The following NMNAT3 variants were observed in gnomAD, a reference collection of about 807,000 sequenced individuals.
The protein encoded by NMNAT3 is nicotinamide/nicotinic acid mononucleotide adenylyltransferase 3.
A neutral mutation model predicts 24.8 loss-of-function variants in NMNAT3; 21 were observed. The ratio of observed to expected loss-of-function variants is 0.85; its 90% CI spans 0.60 to 1.22. The LOEUF is 1.22. Among genes scored for constraint, NMNAT3 ranks in the 50% most tolerant of loss-of-function variants. The pLI is 0.00. For missense variants in NMNAT3, 387 were observed against 436.6 expected (o/e 0.89, Z 1.01); for synonymous variants, 136 against 155.2 (o/e 0.88, Z 0.92).
intron 3 of NMNAT3, among the ~76,000 whole-genome samples, chr3:139,624,167 CT>C (rs1360139037): frequency 1.3e-5 from 2 of 152,080 alleles, no homozygotes; most frequent in Admixed American, 6.5e-5. Flanking sequence ...GATTTGAGAC[CT>C]TTTTTTCCTA....
chr3:139,563,594 C>T (rs1288968979), intron 6 of NMNAT3, among the ~76,000 whole-genome samples: 2 of 152,172 alleles, frequency 1.3e-5, no homozygotes, highest in African/African-American at 4.8e-5. Flanking sequence ...CCACACCTCC[C>T]CTGCCCCCCA....
intron 3 of NMNAT3, among the ~76,000 whole-genome samples, chr3:139,591,276 C>T (rs958971288): frequency 5.9e-5 from 9 of 151,818 alleles, no homozygotes; most frequent in African/African-American, 2.2e-4. Context: ...TAAGAAACGG[C>T]GCACGACGAG....
At chr3:139,575,344 C>G (rs1016357238) in intron 5 of NMNAT3, among the ~76,000 whole-genome samples, 4 of 152,030 alleles carry the variant, frequency 2.6e-5, no homozygotes, top group East Asian at 1.9e-4. Flanking sequence ...GAGGATTCAC[C>G]CTTGGATTGG....
intron 3 of NMNAT3, among the ~76,000 whole-genome samples, chr3:139,622,848 T>TTTTA (rs1553753089): frequency 6.6e-5 from 9 of 136,364 alleles, no homozygotes; most frequent in East Asian, 2.0e-4. Flanking sequence ...ATTATATATA[T>TTTTA]TATATATATA....
chr3:139,608,199 G>GA (rs2055030905), intron 3 of NMNAT3, among the ~76,000 whole-genome samples: 2 of 152,330 alleles, frequency 1.3e-5, no homozygotes, highest in South Asian at 4.1e-4. Context: ...CTCAGGAAGT[G>GA]AAGAGTTGGG....
chr3:139,630,598 C>T (rs1373912724), intron 2 of NMNAT3, among the ~76,000 whole-genome samples: 1 of 152,118 alleles, frequency 6.6e-6, no homozygotes, highest in Non-Finnish European at 1.5e-5. Flanking sequence ...AGAGCCTGGC[C>T]CAGAGTAGGG....
chr3:139,581,183 A>G (rs1940122157), intron 4 of NMNAT3, among the ~76,000 whole-genome samples: 1 of 152,226 alleles, frequency 6.6e-6, no homozygotes, highest in Admixed American at 6.5e-5. Flanking sequence ...TCTAGATTAA[A>G]AGAGACTAAA....
In NMNAT3 at chr3:139,611,137, C is replaced by T. The variant is rs118128544; in HGVS notation, c.109+16479G>A. On this transcript the variant is annotated intron_variant, in intron 3 of 6. Transcript: ENST00000643695. Reference sequence around the variant, plus strand: ...ATGCCACAAGCACGTGGGGCAGGATCGTTAGGAAATAACATCATAAAGAAT... The same window carrying T: ...ATGCCACAAGCACGTGGGGCAGGATTGTTAGGAAATAACATCATAAAGAAT... Among the ~76,000 whole-genome samples, 71 of 152,016 alleles carry T rather than the reference C, an allele frequency of 4.7e-4. No homozygotes were observed. The East Asian group carries it at 0.011, about 25-fold the overall frequency.
chr3:139,634,273 T>C (rs982928824), intron 2 of NMNAT3: 1 of 152,138 alleles, frequency 6.6e-6, no homozygotes, highest in Non-Finnish European at 1.5e-5. Context: ...CGGTGAGCAT[T>C]TGTAACGGGC....
At chr3:139,673,939 C>T (rs1479580810) in intron 1 of NMNAT3, among the ~76,000 whole-genome samples, 1 of 152,062 alleles carries the variant, frequency 6.6e-6, no homozygotes, top group Admixed American at 6.6e-5. Context: ...CCCGCTGGTA[C>T]TATGGGAAGG....
intron 6 of NMNAT3, chr3:139,569,153 T>G (rs1316603187): frequency 2.2e-5 from 3 of 136,116 alleles, no homozygotes; most frequent in Admixed American, 7.9e-5. Flanking sequence ...TATCAGAGAC[T>G]AGGATTGCAA....
chr3:139,647,617 A>T (rs906489626), intron 1 of NMNAT3, among the ~76,000 whole-genome samples: 1 of 152,178 alleles, frequency 6.6e-6, no homozygotes, highest in Non-Finnish European at 1.5e-5. Context: ...CCATTTGAAG[A>T]TGGAAGAGGG....
intron 1 of NMNAT3, among the ~76,000 whole-genome samples, chr3:139,675,135 T>TACACACACACACACACAC (rs148834873): frequency 4.8e-4 from 71 of 148,346 alleles, no homozygotes; most frequent in East Asian, 1.6e-3. Flanking sequence ...CTTTTAAACA[T>TACACACACACACACACAC]ACACACACAC....
chr3:139,615,457 A>ATCTATCTG (rs2055447887), intron 3 of NMNAT3, among the ~76,000 whole-genome samples: 2 of 146,480 alleles, frequency 1.4e-5, no homozygotes, highest in Non-Finnish European at 3.1e-5. Context: ...CTATCTATCT[A>ATCTATCTG]TCTATCCATC....
At position 139,569,490 on chromosome 3, in the gene NMNAT3, C is replaced by G. The variant is rs987186587; in HGVS notation, c.658+4108G>C. ...TTGCAGTGGCTGGTACCAGTTGTTCCTTTCCATGTTTAGTGCTTCCTTCAG... is the reference window on the plus strand; with the variant it reads ...TTGCAGTGGCTGGTACCAGTTGTTCGTTTCCATGTTTAGTGCTTCCTTCAG... On this transcript the variant is annotated intron_variant, in intron 6 of 6. Transcript: ENST00000643695. 83 of 152,280 alleles carry G rather than the reference C, an allele frequency of 5.5e-4. 1 individual carries two copies. In the South Asian group the frequency reaches 0.017, roughly 30 times the overall value. The allele number at this position is 152,280 out of a possible 1,614,324, so 9.4% of individuals were successfully genotyped here. A position where few individuals can be genotyped will look rare whatever the true frequency, so the allele number is the denominator to read the frequency against.
intron 5 of NMNAT3, chr3:139,576,357 T>C (rs1014518904): frequency 3.8e-5 from 29 of 761,354 alleles, no homozygotes; most frequent in Non-Finnish European, 4.6e-5. Flanking sequence ...TTAATCAGCA[T>C]TTGATAAAAC....
At chr3:139,599,034 A>G (rs570884819) in intron 3 of NMNAT3, 2 of 398,150 alleles carry the variant, frequency 5.0e-6, no homozygotes, top group Admixed American at 8.4e-5. Context: ...CCTCAGCAAG[A>G]CTGGGCCTCA....
Position 139,617,555 on chromosome 3 carries a change from C to T in NMNAT3, c.109+10061G>A, listed in dbSNP as rs78785908. Among the ~76,000 whole-genome samples, 653 of 152,196 alleles carry T rather than the reference C, an allele frequency of 4.3e-3. 6 individuals are homozygous for T. Among genetic ancestry groups the T allele is most frequent in the African/African-American group, 0.015 (614 of 41,512 alleles). ...TTCATGTAATGCACTTAGAGCACTA[C>T]GTGGCAAACAGAAAGGATGACATAA... On this transcript the variant is annotated intron_variant, in intron 3 of 6. Transcript: ENST00000643695.
At chr3:139,618,644 G>A (rs949660795) in intron 3 of NMNAT3, among the ~76,000 whole-genome samples, 1 of 152,122 alleles carries the variant, frequency 6.6e-6, no homozygotes, top group African/African-American at 2.4e-5. Flanking sequence ...ATACACCCAC[G>A]GAAGAAAGAT....
Sources: gnomAD v4.1 joint callset for allele counts (sites outside exome capture counted in the v4.1 genomes callset) on GRCh38, gnomAD v4.1.1 for gene constraint, MANE v1.5 for transcripts, NCBI Gene and HGNC (gene_info 2026-07-23, HGNC 2026-07-21) for gene names.